Variants in DENND1A observed in about 807,000 individuals in gnomAD.
DENND1A encodes DENN domain-containing protein 1A.
A neutral mutation model predicts 113.7 loss-of-function variants in DENND1A; 51 were observed. That is an observed-to-expected ratio of 0.45 (90% confidence interval 0.36 to 0.57). DENND1A has a LOEUF of 0.57. Among genes scored for constraint, DENND1A ranks in the 20% least tolerant of loss-of-function variants. DENND1A has a pLI of 0.00. For missense variants in DENND1A, 1,258 were observed against 1,395.9 expected (o/e 0.90, Z 1.57); for synonymous variants, 565 against 570.8 (o/e 0.99, Z 0.14).
At chr9:123,513,959 G>T (rs1241333208) in intron 13 of DENND1A, among the ~76,000 whole-genome samples, 1 of 152,044 alleles carries the variant, frequency 6.6e-6, no homozygotes, top group Non-Finnish European at 1.5e-5. Context: ...GCAAAGTGCT[G>T]GTCACCAGAT....
chr9:123,541,847 T>G (rs1273068252), intron 13 of DENND1A, among the ~76,000 whole-genome samples: 1 of 152,132 alleles, frequency 6.6e-6, no homozygotes, highest in African/African-American at 2.4e-5. Context: ...TATCCCCACT[T>G]AACAAATGAA....
intron 13 of DENND1A, among the ~76,000 whole-genome samples, chr9:123,479,369 C>A (rs181805380): frequency 6.6e-6 from 1 of 152,208 alleles, no homozygotes; most frequent in Non-Finnish European, 1.5e-5. Context: ...GCTTTTCAGC[C>A]CTGCTTCTCA....
intron 2 of DENND1A, among the ~76,000 whole-genome samples, chr9:123,851,290 CT>C (rs1383811098): frequency 6.6e-6 from 1 of 152,208 alleles, no homozygotes; most frequent in African/African-American, 2.4e-5. Flanking sequence ...AGTATGTACT[CT>C]TTTTGTCTGG....
intron 5 of DENND1A, among the ~76,000 whole-genome samples, chr9:123,696,286 A>G (rs10760296): frequency 0.27 from 41,525 of 152,118 alleles, 6,687 homozygotes; most frequent in African/African-American, 0.45. Context: ...TTCATTTAAC[A>G]GACAATGGCA....
chr9:123,756,457 G>A (rs1405370463), intron 5 of DENND1A, among the ~76,000 whole-genome samples: 1 of 152,110 alleles, frequency 6.6e-6, no homozygotes, highest in Non-Finnish European at 1.5e-5. Context: ...GGTAATTCTT[G>A]GGCCTGGGCT....
intron 13 of DENND1A, among the ~76,000 whole-genome samples, chr9:123,469,945 T>C (rs910479688): frequency 1.3e-5 from 2 of 152,142 alleles, no homozygotes; most frequent in African/African-American, 4.8e-5. Flanking sequence ...ACAATATTAT[T>C]TATGTTTGAT....
At chr9:123,687,447 AAAGG>A (rs1391282128) in intron 5 of DENND1A, among the ~76,000 whole-genome samples, 7 of 152,314 alleles carry the variant, frequency 4.6e-5, no homozygotes, top group African/African-American at 1.4e-4. Flanking sequence ...GAGGTTAAAT[AAAGG>A]AAGGGAAGCA....
intron 13 of DENND1A, among the ~76,000 whole-genome samples, chr9:123,527,974 G>A (rs899353723): frequency 7.2e-5 from 11 of 152,172 alleles, no homozygotes; most frequent in Non-Finnish European, 1.5e-4. Flanking sequence ...TGTATTAAAT[G>A]AGATGACATG....
rs113173221 is a variant in DENND1A, at chr9:123,561,357, C to T, written c.868-3662G>A. 3.9e-3 allele frequency among the ~76,000 whole-genome samples: 589 copies of T among 152,316 alleles called. 7 individuals are homozygous for T. Among genetic ancestry groups the T allele is most frequent in the African/African-American group, 0.013 (547 of 41,570 alleles). ...CTGCCCCAGCTGGTCTGAAACTAGC[C>T]AAGTGGTCCTGGGCTCCTGATGCCC... On this transcript the variant is annotated intron_variant, in intron 12 of 23. Coordinates refer to ENST00000394215, the MANE Select transcript of DENND1A (RefSeq NM_001352964.2).
chr9:123,412,690 T>C (rs1402490580), intron 19 of DENND1A, among the ~76,000 whole-genome samples: 1 of 152,244 alleles, frequency 6.6e-6, no homozygotes, highest in Non-Finnish European at 1.5e-5. Context: ...TTCAACAGCC[T>C]GCCTGTCTTG....
Position 123,486,967 on chromosome 9 carries a change from A to T in DENND1A, c.994-29070T>A, listed in dbSNP as rs775627013. Among the ~76,000 whole-genome samples the T allele has an allele frequency of 6.2e-4, 94 of 152,216 alleles. 1 individual carries two copies. The highest frequency in any genetic ancestry group is 1.8e-4 in the Non-Finnish European group (12 of 68,036). On this transcript the variant is annotated intron_variant, in intron 13 of 23. Transcript: ENST00000394215. ...CTGGTCACACCAATGAGTTTAGGGT[A>T]GCCCAGAAGTGATCGACACTAACTT...
chr9:123,905,123 G>A (rs1273659133), intron 1 of DENND1A, among the ~76,000 whole-genome samples: 1 of 151,418 alleles, frequency 6.6e-6, no homozygotes, highest in Non-Finnish European at 1.5e-5. Context: ...CGTAAGTGAA[G>A]GAGAAATAAA....
At chr9:123,451,835 T>C (rs987512246) in intron 17 of DENND1A, among the ~76,000 whole-genome samples, 2 of 152,198 alleles carry the variant, frequency 1.3e-5, no homozygotes, top group Admixed American at 6.5e-5. Flanking sequence ...TTGAAGAACA[T>C]TGAGACCTTC....
At chr9:123,620,313 G>C (rs1282893304) in intron 10 of DENND1A, among the ~76,000 whole-genome samples, 1 of 151,854 alleles carries the variant, frequency 6.6e-6, no homozygotes, top group Non-Finnish European at 1.5e-5. Flanking sequence ...ATTCAGTCTT[G>C]GGTGCTGCTC....
intron 19 of DENND1A, among the ~76,000 whole-genome samples, chr9:123,435,439 C>T (rs114701674): frequency 6.6e-6 from 1 of 152,188 alleles, no homozygotes; most frequent in Non-Finnish European, 1.5e-5. Flanking sequence ...TCTCTGGAAG[C>T]CACGGTGGTG....
intron 9 of DENND1A, among the ~76,000 whole-genome samples, chr9:123,637,168 C>T (rs1279273662): frequency 6.6e-6 from 1 of 152,210 alleles, no homozygotes; most frequent in Non-Finnish European, 1.5e-5. Context: ...ACCTGCTTCA[C>T]AGGGTTAGAG....
chr9:123,504,408 T>C (rs1226983501), intron 13 of DENND1A, among the ~76,000 whole-genome samples: 1 of 152,234 alleles, frequency 6.6e-6, no homozygotes, highest in Non-Finnish European at 1.5e-5. Context: ...ACACTAGGCC[T>C]GCACGGGATG....
At chr9:123,903,770 A>T (rs945408517) in intron 1 of DENND1A, among the ~76,000 whole-genome samples, 34 of 152,308 alleles carry the variant, frequency 2.2e-4, no homozygotes, top group Admixed American at 1.6e-3. Flanking sequence ...GAGATCAAAC[A>T]GCAAGGCGGC....
At chr9:123,542,793 G>A (rs1337736457) in intron 13 of DENND1A, among the ~76,000 whole-genome samples, 2 of 152,116 alleles carry the variant, frequency 1.3e-5, no homozygotes, top group South Asian at 4.1e-4. Context: ...AGTGACCCTG[G>A]CCTCTGGCCT....
Sources: gnomAD v4.1 joint callset for allele counts (sites outside exome capture counted in the v4.1 genomes callset) on GRCh38, gnomAD v4.1.1 for gene constraint, MANE v1.5 for transcripts, NCBI Gene and HGNC (gene_info 2026-07-23, HGNC 2026-07-21) for gene names.